The following ESF1 variants were observed in gnomAD, a reference collection of about 807,000 sequenced individuals.
ESF1 encodes ESF1 homolog.
A neutral mutation model predicts 92.0 loss-of-function variants in ESF1; 58 were observed. That is an observed-to-expected ratio of 0.63 (90% CI 0.51 to 0.78). The LOEUF is 0.78. ESF1 is among the 30% of genes least tolerant of loss of function. ESF1 has a pLI of 0.00. For synonymous variants in ESF1, 321 were observed against 313.7 expected (o/e 1.02, Z -0.24); for missense variants, 922 against 989.1 (o/e 0.93, Z 0.91).
intron 8 of ESF1, among the ~76,000 whole-genome samples, chr20:13,760,857 G>A (rs998755678): frequency 3.3e-5 from 5 of 152,234 alleles, no homozygotes; most frequent in African/African-American, 1.2e-4. Flanking sequence ...CTCTTCCCCG[G>A]CCACCACCCC....
At chr20:13,748,391 CCTCA>C (rs1420946564) in intron 9 of ESF1, among the ~76,000 whole-genome samples, 1 of 151,026 alleles carries the variant, frequency 6.6e-6, no homozygotes, top group Non-Finnish European at 1.5e-5. Context: ...CCCCTTCCTC[CCTCA>C]AAGGATATAT....
intron 9 of ESF1, among the ~76,000 whole-genome samples, 173 bp downstream of exon 9, chr20:13,759,519 A>T (rs747465856): frequency 6.6e-6 from 1 of 152,234 alleles, no homozygotes; most frequent in Admixed American, 6.5e-5. Flanking sequence ...CAAAGAAACC[A>T]ATTAAAAATA....
At chr20:13,734,969 T>C (rs1179027933) in intron 9 of ESF1, among the ~76,000 whole-genome samples, 1 of 152,094 alleles carries the variant, frequency 6.6e-6, no homozygotes, top group East Asian at 1.9e-4. Context: ...TCTCTTCTAT[T>C]ATCAGATACA....
At chr20:13,722,121 T>A (rs2049872253) in intron 11 of ESF1, among the ~76,000 whole-genome samples, 1 of 152,094 alleles carries the variant, frequency 6.6e-6, no homozygotes, top group Non-Finnish European at 1.5e-5. Context: ...CAGATAAAGA[T>A]CTTCACATAC....
At chr20:13,760,971 G>A (rs919410116) in intron 8 of ESF1, among the ~76,000 whole-genome samples, 29 of 152,306 alleles carry the variant, frequency 1.9e-4, no homozygotes, top group Admixed American at 3.3e-4. Flanking sequence ...CTGAGAAATC[G>A]GATGGTTGCT....
chr20:13,748,592 A>ATATTTTTT lies in ESF1; in HGVS notation c.1828+11099_1828+11100insAAAAAATA, dbSNP rs1331098586. Among the ~76,000 whole-genome samples, 600 of 95,656 alleles carry ATATTTTTT rather than the reference A, an allele frequency of 6.3e-3. 5 individuals carry two copies. Among genetic ancestry groups the ATATTTTTT allele is most frequent in the Non-Finnish European group, 8.9e-3 (482 of 54,214 alleles). The allele number at this position is 95,656 out of a possible 152,430, so 62.8% of individuals were successfully genotyped here. The stretch of plus-strand genomic sequence containing the variant: ...TGTGTGTGTATATATATATATATAT[A>ATATTTTTT]TTTTTTTTTTTTTGAGATGGAGTGT... On this transcript the variant is annotated intron_variant, in intron 9 of 13. Coordinates refer to ENST00000617257, the MANE Select transcript of ESF1 (RefSeq NM_001276380.2).
At chr20:13,772,148 G>A (rs1199441576) in intron 5 of ESF1, among the ~76,000 whole-genome samples, 2 of 148,908 alleles carry the variant, frequency 1.3e-5, no homozygotes, top group Non-Finnish European at 3.0e-5. Context: ...TCTCAAATAA[G>A]AAAAAATTAT....
At chr20:13,772,494 T>C in intron 5 of ESF1, 21 bp downstream of exon 5, 3 of 1,511,150 alleles carry the variant, frequency 2.0e-6, no homozygotes, top group Non-Finnish European at 2.8e-6. Flanking sequence ...TTTAGTTTTA[T>C]GTTCTATAGT....
intron 3 of ESF1, 135 bp downstream of exon 3, chr20:13,775,738 A>T (rs931770634): frequency 2.5e-5 from 26 of 1,027,488 alleles, no homozygotes; most frequent in Non-Finnish European, 3.3e-5. Context: ...TATATTCCAT[A>T]TCAAATTTTA....
At position 13,714,930 on chromosome 20, in the gene ESF1, A is replaced by G; in HGVS notation, c.2500T>C (p.Ser834Pro). Residue 834 changes from serine (S) to proline (P), a missense_variant, in exon 14 of 14, where the codon TCT (serine) becomes CCT (proline). By Grantham distance (74) the Ser-to-Pro change is moderately conservative (BLOSUM62 -1). Transcript: ENST00000617257. ...AACTGCTCTGTTTTGGTTTTTATAG[A>G]TTTAATCAACATTGACAAAGCAGGA... Reference protein sequence around the residue: ...IDPALSMLIKSIKTKTEQFQA... With the variant: ...IDPALSMLIKPIKTKTEQFQA... 1.2e-6 allele frequency: 2 copies of G among 1,613,516 alleles called. No individual in the cohort carries two copies. Among genetic ancestry groups the G allele is most frequent in the Non-Finnish European group, 1.7e-6 (2 of 1,179,764 alleles).
chr20:13,749,344 C>T (rs1186836712), intron 9 of ESF1, among the ~76,000 whole-genome samples: 2 of 151,340 alleles, frequency 1.3e-5, no homozygotes, highest in African/African-American at 2.4e-5. Context: ...CGTGGGCCAC[C>T]GCACCTGGCC....
Position 13,776,279 on chromosome 20 carries a change from T to C in ESF1, c.638-9A>G. On this transcript the variant is annotated splice_polypyrimidine_tract_variant and intron_variant, in intron 2 of 13. Coordinates refer to ENST00000617257, the MANE Select transcript of ESF1 (RefSeq NM_001276380.2). ...CATTATGAGTTGAACCACTGCAAAA[T>C]GTTAAAGGGGAAAGAAATTAAGAAA... The C allele has an allele frequency of 6.3e-7, 1 of 1,592,098 alleles. No homozygotes were observed. Among genetic ancestry groups the C allele is most frequent in the Admixed American group, 1.8e-5 (1 of 56,448 alleles).
rs1980280295 is a variant in ESF1 at position 13,782,921 on chromosome 20, GGTC to G, written c.217_219del (p.Asp73del). 1 of 1,614,000 alleles carries G rather than the reference GGTC, an allele frequency of 6.2e-7. No individual in the cohort carries two copies. Among genetic ancestry groups the G allele is most frequent in the Non-Finnish European group, 8.5e-7 (1 of 1,179,996 alleles). On this transcript the variant is annotated inframe_deletion, in exon 2 of 14. Coordinates refer to ENST00000617257, the MANE Select transcript of ESF1 (RefSeq NM_001276380.2). ...GAGAGATTGGAATCAGAATCTGAAA[GGTC>G]GTAAAAACGCTTCAAATCCTCTGTA...
intron 3 of ESF1, 40 bp downstream of exon 3, chr20:13,775,833 T>C (rs1979905464): frequency 6.4e-7 from 1 of 1,550,850 alleles, no homozygotes; most frequent in Non-Finnish European, 8.7e-7. Context: ...CTGCTTGTAC[T>C]GTGTTTTTCA....
chr20:13,758,537 A>G (rs977310551), intron 9 of ESF1, among the ~76,000 whole-genome samples: 2 of 152,042 alleles, frequency 1.3e-5, no homozygotes, highest in African/African-American at 4.8e-5. Context: ...AAAATACCCT[A>G]TTTTTTTCCC....
intron 9 of ESF1, among the ~76,000 whole-genome samples, chr20:13,749,013 G>A (rs1356890438): frequency 6.6e-6 from 1 of 152,010 alleles, no homozygotes; most frequent in Non-Finnish European, 1.5e-5. Context: ...GATGCTCTAA[G>A]CTGACAATGC....
chr20:13,768,353 C>T (rs1389154181), intron 7 of ESF1, among the ~76,000 whole-genome samples: 1 of 152,080 alleles, frequency 6.6e-6, no homozygotes. Context: ...GAGGCCAAGG[C>T]GGGTGGATCA....
chr20:13,776,590 AAC>A (rs2045714987), intron 2 of ESF1, among the ~76,000 whole-genome samples: 1 of 152,200 alleles, frequency 6.6e-6, no homozygotes, highest in Non-Finnish European at 1.5e-5. Context: ...CTCAATATAC[AAC>A]AGTTGGTAAA....
intron 7 of ESF1, among the ~76,000 whole-genome samples, chr20:13,767,269 G>A (rs1979472674): frequency 6.6e-6 from 1 of 152,160 alleles, no homozygotes; most frequent in African/African-American, 2.4e-5. Flanking sequence ...GCTCACACTT[G>A]TAATCCCAAC....
Sources: gnomAD v4.1 joint callset for allele counts (sites outside exome capture counted in the v4.1 genomes callset) on GRCh38, gnomAD v4.1.1 for gene constraint, MANE v1.5 for transcripts, NCBI Gene and HGNC (gene_info 2026-07-23, HGNC 2026-07-21) for gene names.